MYBPC1: variants seen among roughly 807,000 people sequenced by gnomAD.
MYBPC1 encodes the protein myosin binding protein C1.
MYBPC1 carries 52 observed loss-of-function variants against 147.1 expected under a neutral mutation model. The observed-to-expected ratio is 0.35, with a 90% confidence interval of 0.28 to 0.45. The LOEUF (loss-of-function observed/expected upper bound fraction) is 0.45, where lower values mean the gene tolerates loss of function less well. Ranked by LOEUF, MYBPC1 falls within the 20% of genes least tolerant of loss-of-function variation. The pLI, the probability that MYBPC1 is intolerant of heterozygous loss-of-function variation, is 1.00. For synonymous variants in MYBPC1, 477 were observed against 475.9 expected (o/e 1.00, Z -0.03); for missense variants, 1,228 against 1,440.3 (o/e 0.85, Z 2.39).
chr12:101,653,482 T>A (rs1229298126), intron 18 of MYBPC1, among the ~76,000 whole-genome samples: 1 of 93,892 alleles, frequency 1.1e-5, no homozygotes, highest in Non-Finnish European at 2.6e-5. Flanking sequence ...CATGTTTTGA[T>A]GCACAGTGAA....
chr12:101,615,228 T>C (rs913100842), intron 2 of MYBPC1, among the ~76,000 whole-genome samples: 4 of 152,156 alleles, frequency 2.6e-5, no homozygotes, highest in Non-Finnish European at 4.4e-5. Flanking sequence ...GATTAAAAGA[T>C]TGAAAGCTCA....
At chr12:101,660,470 G>A (rs532490949) in intron 19 of MYBPC1, 5 of 163,830 alleles carry the variant, frequency 3.1e-5, no homozygotes, top group African/African-American at 1.2e-4. Context: ...TAATTTCTTG[G>A]TTAACATTTT....
At chr12:101,595,724 A>C (rs941877255) in intron 1 of MYBPC1, among the ~76,000 whole-genome samples, 3 of 152,150 alleles carry the variant, frequency 2.0e-5, no homozygotes, top group Non-Finnish European at 4.4e-5. Context: ...TTGTTCTTTC[A>C]TGAGTTTTAT....
intron 3 of MYBPC1, among the ~76,000 whole-genome samples, chr12:101,626,454 A>G (rs1275182099): frequency 6.6e-6 from 1 of 152,214 alleles, no homozygotes; most frequent in Non-Finnish European, 1.5e-5. Flanking sequence ...GATAGTACAT[A>G]TATAGGCTTT....
At chr12:101,662,672 AAC>A in intron 21 of MYBPC1, 126 bp downstream of exon 21, 1 of 1,014,634 alleles carries the variant, frequency 9.9e-7, no homozygotes. Flanking sequence ...AGGAGCTTGA[AAC>A]AGTTAGGTAC....
intron 3 of MYBPC1, among the ~76,000 whole-genome samples, chr12:101,625,898 AC>A (rs1250967009): frequency 6.6e-6 from 1 of 152,054 alleles, no homozygotes; most frequent in African/African-American, 2.4e-5. Flanking sequence ...ACCCTGGCCA[AC>A]ATGGTGAAAC....
rs115971493 is a variant in MYBPC1 at position 101,685,731 on chromosome 12, G to T, written c.*169G>T. 1,274 of 1,325,132 alleles carry T rather than the reference G, an allele frequency of 9.6e-4. 21 individuals are homozygous for T. The African/African-American group carries it at 0.017, about 18-fold the overall frequency. The allele number at this position is 1,325,132 out of a possible 1,614,324, so 82.1% of individuals were successfully genotyped here. The stretch of plus-strand genomic sequence containing the variant: ...CTGCACTCTGCTGCTTTGAAATCTG[G>T]TTGAAATGAGAAAAAGCATTTTCTG... On this transcript the variant is annotated 3_prime_UTR_variant, in exon 32 of 32. Transcript: ENST00000361466.
intron 29 of MYBPC1, among the ~76,000 whole-genome samples, chr12:101,681,826 C>T (rs1951020645): frequency 6.6e-6 from 1 of 151,320 alleles, no homozygotes; most frequent in African/African-American, 2.4e-5. Context: ...CCAGGCTGGT[C>T]TCAAACTCCT....
At chr12:101,678,301 A>C in intron 28 of MYBPC1, 63 bp downstream of exon 28, 1 of 1,595,476 alleles carries the variant, frequency 6.3e-7, no homozygotes, top group South Asian at 1.1e-5. Context: ...GTTATAATGT[A>C]AGTAACAATG....
At position 101,659,697 on chromosome 12, in the gene MYBPC1, T is replaced by A; in HGVS notation, c.1793T>A (p.Ile598Lys). ...GCTATTATGGAAGGCAGTGGCCGGA[T>A]AAGAACAGAATCTTACCCTGATAGC... Reference protein sequence around the residue: ...DKAIMEGSGRIRTESYPDSST... With the variant: ...DKAIMEGSGRKRTESYPDSST... The change falls in exon 19 of 32, where the codon ATA becomes AAA. Residue 598 changes from isoleucine (I) to lysine (K), a missense_variant. By Grantham distance (102) the Ile-to-Lys change is moderately radical. Coordinates refer to ENST00000361466, the MANE Select transcript of MYBPC1 (RefSeq NM_002465.4). 6.2e-7 allele frequency: 1 copy of A among 1,614,146 alleles called. No homozygotes were observed. The highest frequency in any genetic ancestry group is 8.5e-7 in the Non-Finnish European group (1 of 1,180,000).
chr12:101,669,880 T>C, intron 23 of MYBPC1: 1 of 266,212 alleles, frequency 3.8e-6, no homozygotes, highest in South Asian at 3.2e-5. Flanking sequence ...GAGGTTGCAG[T>C]GAGCAATGCC....
Position 101,646,686 on chromosome 12 carries a change from G to T in MYBPC1, c.966-77G>T. 2.0e-6 allele frequency: 3 copies of T among 1,536,948 alleles called. No individual in the cohort carries two copies. The South Asian group carries it at 3.4e-5, about 18-fold the overall frequency. Reference sequence around the variant, plus strand: ...ACTTTCAAACACTACCAAATTATAAGCCAAATTTGCTGGCAATAAAGAAAA... The same window carrying T: ...ACTTTCAAACACTACCAAATTATAATCCAAATTTGCTGGCAATAAAGAAAA... On this transcript the variant is annotated intron_variant, in intron 12 of 31. Coordinates refer to ENST00000361466, the MANE Select transcript of MYBPC1 (RefSeq NM_002465.4).
intron 5 of MYBPC1, chr12:101,628,253 G>T (rs377452440): frequency 1.8e-5 from 4 of 227,706 alleles, no homozygotes; most frequent in Admixed American, 5.1e-5. Flanking sequence ...CCTATTATGG[G>T]CCTCTTATGG....
the MYBPC1 span, among the ~76,000 whole-genome samples, chr12:101,692,321 C>T: frequency 6.6e-6 from 1 of 152,114 alleles, no homozygotes; most frequent in African/African-American, 2.4e-5. Flanking sequence ...TGGAATGGCA[C>T]AAAACCAACA....
downstream of MYBPC1, among the ~76,000 whole-genome samples, chr12:101,688,953 C>CAAAAAAA (rs748533294): frequency 1.5e-5 from 1 of 68,240 alleles, no homozygotes; most frequent in Non-Finnish European, 3.5e-5. Flanking sequence ...GACCGTATCT[C>CAAAAAAA]AAAAAAAAAA....
intron 18 of MYBPC1, among the ~76,000 whole-genome samples, chr12:101,658,313 A>G (rs1254439269): frequency 6.6e-6 from 1 of 152,188 alleles, no homozygotes; most frequent in Non-Finnish European, 1.5e-5. Flanking sequence ...CAACCGATGC[A>G]GAAAGAATCT....
At chr12:101,677,652 C>T (rs1900292383) in intron 27 of MYBPC1, among the ~76,000 whole-genome samples, 1 of 152,086 alleles carries the variant, frequency 6.6e-6, no homozygotes, top group Non-Finnish European at 1.5e-5. Context: ...GCTAATACCC[C>T]AGAGGCTGGA....
chr12:101,625,230 G>A (rs1888330840), intron 3 of MYBPC1, among the ~76,000 whole-genome samples: 1 of 151,768 alleles, frequency 6.6e-6, no homozygotes, highest in South Asian at 2.1e-4. Flanking sequence ...GAATATACCA[G>A]GTGCATTCAT....
rs118026151 is a variant in MYBPC1, at chr12:101,669,243, C to T, written c.2525-1078C>T. ...CAATGGTTGTCCCCAGGAAAAGCACCGTACAACTGAGTTGGAGGATGAATA... is the reference window on the plus strand; with the variant it reads ...CAATGGTTGTCCCCAGGAAAAGCACTGTACAACTGAGTTGGAGGATGAATA... On this transcript the variant is annotated intron_variant, in intron 23 of 31. Transcript: ENST00000361466. Among the ~76,000 whole-genome samples, 232 of 152,246 alleles carry T rather than the reference C, an allele frequency of 1.5e-3. 3 individuals are homozygous for T. In the East Asian group the frequency reaches 0.015, roughly 10 times the overall value.
Sources: gnomAD v4.1 joint callset for allele counts (sites outside exome capture counted in the v4.1 genomes callset) on GRCh38, gnomAD v4.1.1 for gene constraint, MANE v1.5 for transcripts, NCBI Gene and HGNC (gene_info 2026-07-23, HGNC 2026-07-21) for gene names.